The following FDFT1 variants were observed in gnomAD, a reference collection of about 807,000 sequenced individuals.
FDFT1 encodes the protein farnesyl-diphosphate farnesyltransferase 1.
FDFT1 carries 68 observed loss-of-function variants against 46.8 expected under a neutral mutation model. That is an observed-to-expected ratio of 1.45 (90% confidence interval 1.19 to 1.78). The LOEUF is 1.78. Among genes scored for constraint, FDFT1 ranks in the 40% most tolerant of loss-of-function variants. The pLI, the probability that FDFT1 is intolerant of heterozygous loss-of-function variation, is 0.00. For missense variants in FDFT1, 928 were observed against 524.4 expected, an observed-to-expected ratio of 1.77 and a Z score of -7.52; for synonymous variants, 351 against 185.1, an observed-to-expected ratio of 1.90 and a Z score of -7.28.
chr8:11,831,602 G>A lies in FDFT1; in HGVS notation c.964G>A (p.Val322Met). The A allele has an allele frequency of 6.2e-7, 1 of 1,614,052 alleles. No homozygotes were observed. Among genetic ancestry groups the A allele is most frequent in the Non-Finnish European group, 8.5e-7 (1 of 1,179,858 alleles). Residue 322 changes from valine (V) to methionine (M), a missense_variant, in exon 7 of 8, where the codon GTG becomes ATG. Coordinates refer to ENST00000220584, the MANE Select transcript of FDFT1 (RefSeq NM_004462.5). ...AGTGAAGATTCGGAAAGGGCAAGCA[G>A]TGACCCTGATGATGGATGCCACCAA... ...GAVKIRKGQA[V>M]TLMMDATNMP...
chr8:11,838,791 G>T lies in FDFT1; in HGVS notation c.*182G>T. The T allele has an allele frequency of 3.3e-6, 2 of 608,988 alleles. No homozygotes were observed. Among genetic ancestry groups the T allele is most frequent in the Non-Finnish European group, 2.9e-6 (1 of 342,718 alleles). The allele number at this position is 608,988 out of a possible 1,614,324, so 37.7% of individuals were successfully genotyped here. A position where few individuals can be genotyped will look rare whatever the true frequency, so the allele number is the denominator to read the frequency against. ...AAGAACCTAAACATGAAAGGAAAGG[G>T]TGCCTCATCCCAGCAACCTGTCCTT... On this transcript the variant is annotated 3_prime_UTR_variant, in exon 8 of 8. Transcript: ENST00000220584.
At chr8:11,821,076 A>G (rs570811750) in intron 3 of FDFT1, among the ~76,000 whole-genome samples, 2 of 152,340 alleles carry the variant, frequency 1.3e-5, no homozygotes, top group East Asian at 3.9e-4. Context: ...CTTGTTACAT[A>G]GGAAGTGCTT....
chr8:11,812,649 T>G (rs1807888293), intron 3 of FDFT1, among the ~76,000 whole-genome samples: 1 of 152,230 alleles, frequency 6.6e-6, no homozygotes, highest in Admixed American at 6.5e-5. Context: ...CTAGCTCGAT[T>G]GATCATTTTT....
chr8:11,804,798 G>T (rs1192117912), intron 1 of FDFT1, among the ~76,000 whole-genome samples: 1 of 151,558 alleles, frequency 6.6e-6, no homozygotes, highest in Admixed American at 6.6e-5. Context: ...TAGTAGAGAC[G>T]GGGTTTCACC....
At chr8:11,808,349 G>C in intron 1 of FDFT1, 1 of 1,234,188 alleles carries the variant, frequency 8.1e-7, no homozygotes, top group Non-Finnish European at 1.0e-6. Flanking sequence ...GGAGGCGCCG[G>C]TGCGGAGCGG....
chr8:11,835,722 T>G (rs962181695), intron 7 of FDFT1, among the ~76,000 whole-genome samples: 32 of 152,110 alleles, frequency 2.1e-4, no homozygotes, highest in Admixed American at 2.1e-3. Flanking sequence ...AATAAAGTCA[T>G]AGGAGCCACA....
intron 5 of FDFT1, among the ~76,000 whole-genome samples, chr8:11,827,140 C>T (rs777209164): frequency 2.0e-5 from 3 of 152,080 alleles, no homozygotes; most frequent in Admixed American, 6.6e-5. Flanking sequence ...CTTTTGCTTT[C>T]CATAAAAGTG....
Position 11,838,521 on chromosome 8 carries a change from T to C in FDFT1, c.1166T>C (p.Phe389Ser). ...CACTACTCCCCCATCTACCTGTCGT[T>C]TGTCATGCTTTTGGCTGCCCTGAGC... ...RSHYSPIYLS[F>S]VMLLAALSWQ... Residue 389 changes from phenylalanine to serine, a missense_variant, in exon 8 of 8, where the codon TTT becomes TCT. Phe to Ser is a radical substitution (Grantham distance 155). Coordinates refer to ENST00000220584, the MANE Select transcript of FDFT1 (RefSeq NM_004462.5). The C allele has an allele frequency of 6.2e-7, 1 of 1,609,124 alleles. No homozygotes were observed. Among genetic ancestry groups the C allele is most frequent in the African/African-American group, 1.3e-5 (1 of 74,838 alleles).
intron 3 of FDFT1, among the ~76,000 whole-genome samples, chr8:11,819,926 G>T (rs1392165656): frequency 6.6e-6 from 1 of 152,086 alleles, no homozygotes; most frequent in Non-Finnish European, 1.5e-5. Context: ...GAGAAGAGGC[G>T]TTCTGTTTTT....
intron 7 of FDFT1, among the ~76,000 whole-genome samples, chr8:11,834,283 G>C (rs1173525733): frequency 2.0e-5 from 3 of 152,202 alleles, no homozygotes; most frequent in Non-Finnish European, 4.4e-5. Context: ...CCCCACTCTG[G>C]AGCAGCCTCT....
chr8:11,809,757 G>A lies in FDFT1; in HGVS notation c.288G>A (p.Leu96=), dbSNP rs999078339. 1.9e-6 allele frequency: 3 copies of A among 1,614,006 alleles called. No individual in the cohort carries two copies. Among genetic ancestry groups the A allele is most frequent in the Non-Finnish European group, 2.5e-6 (3 of 1,179,986 alleles). Residue 96 remains leucine, a synonymous_variant, in exon 3 of 8, where the codon CTG becomes CTA. Transcript: ENST00000220584. ...TCAGTGTGGAAAAGAAGGTCCCGCT[G>A]TTACACAACTTTCACTCTTTCCTTT... ...MTISVEKKVP[L]LHNFHSFLYQ... is the part of the protein sequence containing the mutation.
chr8:11,820,844 C>A (rs1809134311), intron 3 of FDFT1, among the ~76,000 whole-genome samples: 1 of 152,214 alleles, frequency 6.6e-6, no homozygotes, highest in East Asian at 1.9e-4. Context: ...GACGTCCTGC[C>A]CTGCTTTGGC....
intron 3 of FDFT1, 26 bp downstream of exon 3, chr8:11,809,876 A>G (rs372449715): frequency 7.6e-6 from 12 of 1,583,646 alleles, no homozygotes; most frequent in African/African-American, 2.7e-5. Context: ...CATCTTGTCT[A>G]CGGACTGTTG....
At chr8:11,820,259 C>T (rs1809035524) in intron 3 of FDFT1, among the ~76,000 whole-genome samples, 1 of 152,124 alleles carries the variant, frequency 6.6e-6, no homozygotes, top group South Asian at 2.1e-4. Context: ...TGTCTGTCGG[C>T]CCCTACTGGG....
intron 3 of FDFT1, among the ~76,000 whole-genome samples, chr8:11,820,159 A>G (rs888078229): frequency 4.6e-5 from 7 of 152,168 alleles, no homozygotes; most frequent in Non-Finnish European, 1.0e-4. Flanking sequence ...TTACCTGGGT[A>G]TCACCAGTGG....
In FDFT1 at chr8:11,802,907, G is replaced by A. The variant is rs758830238; in HGVS notation, c.75G>A (p.Arg25=). ...NLVRFRIGGK[R]KVMPKMDQDS... ...TGCGCTTCCGGATCGGGGGCAAGCG[G>A]AAGGTGATGCCCAAGATGGACCAGG... The change falls in exon 1 of 8, where the codon CGG becomes CGA. Residue 25 remains arginine, a synonymous_variant. Coordinates refer to ENST00000220584, the MANE Select transcript of FDFT1 (RefSeq NM_004462.5). 9.9e-6 allele frequency: 16 copies of A among 1,610,738 alleles called. No homozygotes were observed. The highest frequency in any genetic ancestry group is 2.2e-5 in the East Asian group (1 of 44,804).
intron 1 of FDFT1, among the ~76,000 whole-genome samples, chr8:11,806,055 T>C (rs1207806656): frequency 6.6e-6 from 1 of 152,176 alleles, no homozygotes; most frequent in Non-Finnish European, 1.5e-5. Flanking sequence ...ATCTATTCTA[T>C]TTTAAAGTGA....
chr8:11,808,473 T>G (rs931191684), intron 1 of FDFT1: 6 of 1,292,064 alleles, frequency 4.6e-6, no homozygotes, highest in Admixed American at 8.0e-5. Flanking sequence ...TTCCCAGATC[T>G]GCTTGAGTCT....
intron 1 of FDFT1, 117 bp from the exon 2 acceptor site, chr8:11,808,677 G>A: frequency 6.7e-7 from 1 of 1,482,152 alleles, no homozygotes; most frequent in Non-Finnish European, 9.0e-7. Context: ...GCCTCGGGGA[G>A]AGGGCGGCAG....
Sources: gnomAD v4.1 joint callset for allele counts (sites outside exome capture counted in the v4.1 genomes callset) on GRCh38, gnomAD v4.1.1 for gene constraint, MANE v1.5 for transcripts, NCBI Gene and HGNC (gene_info 2026-07-23, HGNC 2026-07-21) for gene names.